The following SORCS1 variants were observed in gnomAD, a reference collection of about 807,000 sequenced individuals.
SORCS1 encodes the protein VPS10 domain-containing receptor SorCS1.
A neutral mutation model predicts 146.1 loss-of-function variants in SORCS1; 60 were observed. The ratio of observed to expected loss-of-function variants is 0.41; its 90% confidence interval spans 0.33 to 0.51. The LOEUF (loss-of-function observed/expected upper bound fraction) is 0.51, where lower values mean the gene tolerates loss of function less well. SORCS1 is among the 20% of genes least tolerant of loss of function. The pLI is 0.21. For synonymous variants in SORCS1, 637 were observed against 584.0 expected (o/e 1.09, Z -1.31); for missense variants, 1,352 against 1,487.6 (o/e 0.91, Z 1.50).
At chr10:106,600,792 C>T (rs906709568) in intron 23 of SORCS1, 1 of 801,568 alleles carries the variant, frequency 1.2e-6, no homozygotes, top group African/African-American at 1.9e-5. Flanking sequence ...CTTTGTTTGA[C>T]TCCTAATCCT....
chr10:106,869,359 G>C (rs1287736779), intron 2 of SORCS1, among the ~76,000 whole-genome samples: 1 of 152,108 alleles, frequency 6.6e-6, no homozygotes, highest in Non-Finnish European at 1.5e-5. Flanking sequence ...ACATCATCCT[G>C]ATACCAAAAC....
chr10:107,104,971 G>A (rs1965203758), intron 1 of SORCS1, among the ~76,000 whole-genome samples: 1 of 152,180 alleles, frequency 6.6e-6, no homozygotes. Flanking sequence ...ATATTCAGAA[G>A]AATCAACAGG....
At chr10:106,831,774 A>G (rs909551997) in intron 2 of SORCS1, among the ~76,000 whole-genome samples, 1 of 152,222 alleles carries the variant, frequency 6.6e-6, no homozygotes, top group Non-Finnish European at 1.5e-5. Flanking sequence ...TCAACACTTC[A>G]GAGGATTTAG....
intron 1 of SORCS1, among the ~76,000 whole-genome samples, chr10:106,980,455 C>T (rs1020535667): frequency 2.0e-5 from 3 of 152,166 alleles, no homozygotes; most frequent in African/African-American, 7.2e-5. Flanking sequence ...GCAACTCTGT[C>T]CTGTTTATAA....
At chr10:107,147,137 C>T (rs549649380) in intron 1 of SORCS1, among the ~76,000 whole-genome samples, 153 of 152,254 alleles carry the variant, frequency 1.0e-3, no homozygotes, top group African/African-American at 3.4e-3. Context: ...TGAAAGAAAA[C>T]GTAAGTTTAA....
At chr10:106,751,007 C>A (rs1010351852) in intron 5 of SORCS1, among the ~76,000 whole-genome samples, 2 of 121,256 alleles carry the variant, frequency 1.6e-5, no homozygotes, top group African/African-American at 6.4e-5. Flanking sequence ...TGCAGTGAGC[C>A]GAGATAGTGC....
intron 6 of SORCS1, among the ~76,000 whole-genome samples, chr10:106,717,735 A>G (rs2135911031): frequency 6.6e-6 from 1 of 152,318 alleles, no homozygotes; most frequent in East Asian, 1.9e-4. Context: ...AAAAACCGCA[A>G]TTACCTTTGC....
intron 2 of SORCS1, among the ~76,000 whole-genome samples, chr10:106,888,941 T>G (rs2137846415): frequency 6.6e-6 from 1 of 152,220 alleles, no homozygotes; most frequent in South Asian, 2.1e-4. Context: ...CAAGGTGCGG[T>G]TTTAGAAAGG....
chr10:107,075,734 G>A (rs1351679454), intron 1 of SORCS1, among the ~76,000 whole-genome samples: 1 of 151,948 alleles, frequency 6.6e-6, no homozygotes, highest in East Asian at 1.9e-4. Context: ...CAGTAGCTGG[G>A]GAACTTACTG....
chr10:107,051,803 A>T (rs1423312203), intron 1 of SORCS1, among the ~76,000 whole-genome samples: 1 of 152,188 alleles, frequency 6.6e-6, no homozygotes, highest in Admixed American at 6.5e-5. Flanking sequence ...TGTTTAAGAC[A>T]CGCTAATTCA....
chr10:107,042,631 CAG>C (rs1427612507), intron 1 of SORCS1, among the ~76,000 whole-genome samples: 6 of 143,098 alleles, frequency 4.2e-5, no homozygotes, highest in Non-Finnish European at 9.1e-5. Flanking sequence ...TTTTTTGAGA[CAG>C]AGTTTCACTC....
intron 2 of SORCS1, among the ~76,000 whole-genome samples, chr10:106,835,991 G>A (rs1948763552): frequency 1.4e-5 from 2 of 145,584 alleles, no homozygotes; most frequent in African/African-American, 5.2e-5. Flanking sequence ...GGCAACAGGA[G>A]CGAGACTGCG....
At chr10:107,023,066 G>A (rs1286617735) in intron 1 of SORCS1, among the ~76,000 whole-genome samples, 3 of 152,230 alleles carry the variant, frequency 2.0e-5, no homozygotes, top group African/African-American at 4.8e-5. Flanking sequence ...TATGTGTTCA[G>A]TAGAGAGGGA....
intron 2 of SORCS1, among the ~76,000 whole-genome samples, chr10:106,887,456 T>C (rs985185596): frequency 2.0e-5 from 3 of 152,002 alleles, no homozygotes; most frequent in African/African-American, 7.3e-5. Context: ...GACTATAAGT[T>C]CAAATATAAC....
chr10:106,629,461 G>C (rs569722507), intron 18 of SORCS1, 73 bp from the exon 19 acceptor site: 1 of 1,498,350 alleles, frequency 6.7e-7, no homozygotes, highest in Admixed American at 1.8e-5. Context: ...TGGGGACTAC[G>C]GCTTGTCCTA....
At chr10:106,916,705 A>G (rs1952450965) in intron 2 of SORCS1, among the ~76,000 whole-genome samples, 1 of 151,330 alleles carries the variant, frequency 6.6e-6, no homozygotes, top group African/African-American at 2.4e-5. Flanking sequence ...CTTCTACATA[A>G]AGTTGCTTAT....
intron 4 of SORCS1, among the ~76,000 whole-genome samples, chr10:106,773,835 G>C (rs959083991): frequency 1.2e-4 from 19 of 152,084 alleles, no homozygotes; most frequent in African/African-American, 4.6e-4. Context: ...TGTAATCCCA[G>C]CTACTTGGGA....
At chr10:106,839,412 G>A (rs1374413740) in intron 2 of SORCS1, among the ~76,000 whole-genome samples, 3 of 152,158 alleles carry the variant, frequency 2.0e-5, no homozygotes, top group African/African-American at 7.2e-5. Context: ...CCCAGAGCAA[G>A]GCCGTAATTT....
intron 19 of SORCS1, among the ~76,000 whole-genome samples, chr10:106,624,256 C>A (rs114028010): frequency 0.012 from 1,843 of 151,822 alleles, 43 homozygotes; most frequent in African/African-American, 0.043. Context: ...AGTGAAAAGA[C>A]CACGAGGAAG....
Sources: allele counts gnomAD v4.1 joint callset (sites outside exome capture counted in the v4.1 genomes callset), GRCh38; gene constraint gnomAD v4.1.1; transcripts MANE v1.5; gene names NCBI Gene and HGNC (gene_info 2026-07-23, HGNC 2026-07-21).